The following DDX3X variants were observed in gnomAD, a reference collection of about 807,000 sequenced individuals.
DDX3X encodes DEAD-box helicase 3 X-linked.
Under a neutral mutation model 52.7 loss-of-function variants are expected in DDX3X, and 4 were observed. The observed-to-expected ratio is 0.08, with a 90% CI of 0.04 to 0.17. The LOEUF (loss-of-function observed/expected upper bound fraction) is 0.17, where lower values mean the gene tolerates loss of function less well. Among genes scored for constraint, DDX3X ranks in the 10% least tolerant of loss-of-function variants. DDX3X has a pLI of 1.00. For missense variants in DDX3X, 222 were observed against 548.6 expected, an observed-to-expected ratio of 0.40 and a Z score of 5.95; for synonymous variants, 192 against 178.1, an observed-to-expected ratio of 1.08 and a Z score of -0.62.
At chrX:41,356,105 A>G (rs762086006) in intron 5 of DDX3X, among the ~76,000 whole-genome samples, 1 of 106,143 alleles carries the variant, frequency 9.4e-6, no homozygotes, top group Non-Finnish European at 1.9e-5. Context: ...GTTCTTAAAC[A>G]TTTAAAAGTT....
intron 1 of DDX3X, chrX:41,336,472 G>A (rs1350140605): frequency 8.9e-6 from 1 of 111,934 alleles, no homozygotes; most frequent in Non-Finnish European, 1.9e-5. Context: ...ATGTTAAAAT[G>A]GGGTAAAAAC....
downstream of DDX3X, among the ~76,000 whole-genome samples, chrX:41,353,792 C>A (rs1020178799): frequency 4.7e-5 from 5 of 106,742 alleles, no homozygotes; most frequent in South Asian, 2.1e-3. Flanking sequence ...ATCTCTCTCT[C>A]TATACACACG....
At position 41,342,764 on chromosome X, in the gene DDX3X, G is replaced by T; in HGVS notation, c.471G>T (p.Gly157=). The T allele has an allele frequency of 8.3e-7, 1 of 1,211,378 alleles. No homozygotes were observed. The highest frequency in any genetic ancestry group is 3.0e-5 in the East Asian group (1 of 33,858). The change falls in exon 6 of 17, where the codon GGG becomes GGT. Residue 157 remains glycine, a synonymous_variant. Coordinates refer to ENST00000644876, the MANE Select transcript of DDX3X (RefSeq NM_001356.5). The stretch of plus-strand genomic sequence containing the variant: ...AACTCTTTTCTGGAGGCAACACTGG[G>T]ATTAATTTTGAGAAATACGATGACA... ...EQELFSGGNT[G]INFEKYDDIP...
In DDX3X at chrX:41,339,078, C is replaced by T. The variant is rs774308886; in HGVS notation, c.146C>T (p.Thr49Ile). 5 of 1,084,961 alleles carry T rather than the reference C, an allele frequency of 4.6e-6. No individual in the cohort carries two copies. The South Asian group carries it at 1.3e-4, about 28-fold the overall frequency. 89.4% of individuals were successfully genotyped at this position (1,084,961 alleles called of 1,213,427 possible). A position where few individuals can be genotyped will look rare whatever the true frequency, so the allele number is the denominator to read the frequency against. The change falls in exon 3 of 17, where the codon ACT (threonine) becomes ATT (isoleucine). Residue 49 changes from threonine (T) to isoleucine (I), a missense_variant. By Grantham distance (89) the Thr-to-Ile change is moderately conservative (BLOSUM62 -1). Transcript: ENST00000644876. ...CCTCATTTAAGGAACCGAGAAGCTA[C>T]TAAAGGTAGGTCCTCACAAGTAACT... Reference protein sequence around the residue: ...IPPHLRNREATKGFYDKDSSG... With the variant: ...IPPHLRNREAIKGFYDKDSSG...
At chrX:41,334,501 T>C in intron 1 of DDX3X, 8 of 1,095,704 alleles carry the variant, frequency 7.3e-6, no homozygotes, top group Non-Finnish European at 9.5e-6. Context: ...CCCGCTGTAT[T>C]GTCCCCGGGA....
In DDX3X at chrX:41,342,720, C is replaced by T; in HGVS notation, c.444-17C>T. On this transcript the variant is annotated splice_polypyrimidine_tract_variant and intron_variant, in intron 5 of 16. Coordinates refer to ENST00000644876, the MANE Select transcript of DDX3X (RefSeq NM_001356.5). ...TAGCTAGTATAACAAATGAACTTAT[C>T]CATTTTTTGATTTGAGGGAACTCTT... The T allele has an allele frequency of 8.3e-7, 1 of 1,205,803 alleles. No homozygotes were observed. Among genetic ancestry groups the T allele is most frequent in the Non-Finnish European group, 1.1e-6 (1 of 890,218 alleles).
At chrX:41,335,230 CGTT>C (rs2063748025) in intron 1 of DDX3X, 1 of 110,751 alleles carries the variant, frequency 9.0e-6, no homozygotes, top group African/African-American at 3.3e-5. Context: ...GGGAGTCCCG[CGTT>C]GTTTTTCTGG....
chrX:41,354,987 A>G (rs2064002831), downstream of DDX3X, among the ~76,000 whole-genome samples: 3 of 110,043 alleles, frequency 2.7e-5, no homozygotes, highest in Admixed American at 9.8e-5. Flanking sequence ...CACCCAGCTA[A>G]TTTTTGTATT....
At chrX:41,357,997 G>C in intron 5 of DDX3X, 1 of 209,468 alleles carries the variant, frequency 4.8e-6, no homozygotes, top group East Asian at 7.3e-5. Flanking sequence ...GCAGGCATGA[G>C]TCTGTAAGCA....
chrX:41,335,937 A>G (rs1443820488), intron 1 of DDX3X: 5 of 112,543 alleles, frequency 4.4e-5, no homozygotes, highest in Non-Finnish European at 7.5e-5. Flanking sequence ...TAACAAGTGC[A>G]AAAGGAAAGT....
intron 3 of DDX3X, chrX:41,339,323 A>G: frequency 5.6e-6 from 1 of 179,272 alleles, no homozygotes; most frequent in Non-Finnish European, 1.1e-5. Context: ...ATGGTTTTGT[A>G]CAGTTTCACT....
upstream of DDX3X, chrX:41,334,131 A>T: frequency 1.5e-6 from 1 of 657,897 alleles, no homozygotes; most frequent in Non-Finnish European, 2.4e-6. Flanking sequence ...TCCAGCGGGT[A>T]TATTAGATCC....
chrX:41,356,454 C>CTTTTTT (rs760583439), intron 5 of DDX3X, among the ~76,000 whole-genome samples: 8 of 65,678 alleles, frequency 1.2e-4, no homozygotes, highest in African/African-American at 1.4e-4. Context: ...GCCAGTATTT[C>CTTTTTT]TTTTTTTTTT....
At chrX:41,336,241 A>G (rs2063767727) in intron 1 of DDX3X, 1 of 111,846 alleles carries the variant, frequency 8.9e-6, no homozygotes. Context: ...GAAAAATGAA[A>G]CACTTTGCAT....
intron 4 of DDX3X, 130 bp from the exon 5 acceptor site, chrX:41,342,365 C>T: frequency 2.8e-6 from 2 of 708,825 alleles, no homozygotes; most frequent in African/African-American, 2.2e-5. Flanking sequence ...TGTCAAGTAA[C>T]TCAGAATTGG....
chrX:41,342,431 G>C, intron 4 of DDX3X, 64 bp from the exon 5 acceptor site: 1 of 1,146,054 alleles, frequency 8.7e-7, no homozygotes, highest in Non-Finnish European at 1.2e-6. Context: ...CAGTTCTAGA[G>C]TAGGGATAAG....
Position 41,346,623 on chromosome X carries a change from G to T in DDX3X, c.1615+1G>T. 1 of 1,165,290 alleles carries T rather than the reference G, an allele frequency of 8.6e-7. No individual in the cohort carries two copies. Among genetic ancestry groups the T allele is most frequent in the Non-Finnish European group, 1.2e-6 (1 of 857,693 alleles). ...CGTACGGGACGTGTAGGAAACCTTG[G>T]TAAGTATTTGATTACTTGATGGTTT... On this transcript the variant is annotated splice_donor_variant, in intron 14 of 16. Transcript: ENST00000644876. LOFTEE classifies it high-confidence loss of function.
chrX:41,360,520 G>A (rs765917831), intron 5 of DDX3X, among the ~76,000 whole-genome samples: 3 of 108,250 alleles, frequency 2.8e-5, no homozygotes, highest in South Asian at 8.2e-4. Context: ...TCGGCTCACC[G>A]CAACCTTTGT....
downstream of DDX3X, chrX:41,351,098 G>A (rs1324456103): frequency 1.8e-5 from 2 of 111,573 alleles, no homozygotes; most frequent in Non-Finnish European, 3.8e-5. Context: ...GTCAAAATAA[G>A]CATGGAAAGG....
Sources: allele counts gnomAD v4.1 joint callset (sites outside exome capture counted in the v4.1 genomes callset), GRCh38; gene constraint gnomAD v4.1.1; transcripts MANE v1.5; gene names NCBI Gene and HGNC (gene_info 2026-07-23, HGNC 2026-07-21).